Variants in ZFYVE28 observed in about 807,000 individuals in gnomAD.
ZFYVE28 encodes the protein zinc finger FYVE-type containing 28.
ZFYVE28 carries 40 observed loss-of-function variants against 82.1 expected under a neutral mutation model. The observed-to-expected ratio is 0.49, with a 90% CI of 0.38 to 0.63. The LOEUF (loss-of-function observed/expected upper bound fraction) is 0.63, where lower values mean the gene tolerates loss of function less well. ZFYVE28 is among the 30% of genes least tolerant of loss of function. The probability of loss-of-function intolerance (pLI) is 0.00; values close to 1 mark genes in which losing one functional copy is unlikely to be tolerated. For missense variants in ZFYVE28, 1,321 were observed against 1,242.1 expected, an observed-to-expected ratio of 1.06 and a Z score of -0.96; for synonymous variants, 612 against 546.1, an observed-to-expected ratio of 1.12 and a Z score of -1.68.
Position 2,339,356 on chromosome 4 carries a change from G to T in ZFYVE28, c.521+97C>A. ...AACCTGCCTGGCTCCTCCCTCTGTG[G>T]AATTTTCCAGCTTGAAGTATCAGGG... On this transcript the variant is annotated intron_variant, in intron 4 of 12. Coordinates refer to ENST00000290974, the MANE Select transcript of ZFYVE28 (RefSeq NM_020972.3). The surrounding 1 kb of genome is among the most constrained non-coding windows in gnomAD (Gnocchi z 5.0). 7.1e-7 allele frequency: 1 copy of T among 1,410,110 alleles called. No homozygotes were observed. The highest frequency in any genetic ancestry group is 9.7e-7 in the Non-Finnish European group (1 of 1,035,234). The allele number at this position is 1,410,110 out of a possible 1,614,324, so 87.3% of individuals were successfully genotyped here. A position where few individuals can be genotyped will look rare whatever the true frequency, so the allele number is the denominator to read the frequency against.
intron 1 of ZFYVE28, among the ~76,000 whole-genome samples, chr4:2,393,202 C>G (rs1170191321): frequency 3.3e-5 from 5 of 152,248 alleles, no homozygotes; most frequent in African/African-American, 1.2e-4. Flanking sequence ...CACCTGAAAT[C>G]TCACCGCATC....
At chr4:2,282,184 C>A (rs751697211) in intron 8 of ZFYVE28, among the ~76,000 whole-genome samples, 10 of 152,224 alleles carry the variant, frequency 6.6e-5, no homozygotes, top group Non-Finnish European at 1.2e-4. Context: ...CCAGACACTC[C>A]CGCACCGGCT....
chr4:2,364,391 A>C, intron 1 of ZFYVE28: 2 of 972,148 alleles, frequency 2.1e-6, no homozygotes, highest in Non-Finnish European at 2.4e-6. Flanking sequence ...TGCCCGCCCC[A>C]AGGGCACAGC....
At position 2,418,253 on chromosome 4, in the gene ZFYVE28, G is replaced by A; in HGVS notation, c.39+32C>T. 2.0e-6 allele frequency: 3 copies of A among 1,532,318 alleles called. No homozygotes were observed. Among genetic ancestry groups the A allele is most frequent in the South Asian group, 1.2e-5 (1 of 82,594 alleles). 94.9% of individuals were successfully genotyped at this position (1,532,318 alleles called of 1,614,324 possible). On this transcript the variant is annotated intron_variant, in intron 1 of 12. Coordinates refer to ENST00000290974, the MANE Select transcript of ZFYVE28 (RefSeq NM_020972.3). This position sits in a 1 kb window ranked among gnomAD's most constrained non-coding sequence, Gnocchi z 4.6. ...CTGGGGAAGGGAGAGGCCGCGACGC[G>A]GGGGGCGTCCGGCCCGAGCGGGGCC...
At chr4:2,284,627 C>A (rs1712453142) in intron 8 of ZFYVE28, among the ~76,000 whole-genome samples, 1 of 152,206 alleles carries the variant, frequency 6.6e-6, no homozygotes, top group African/African-American at 2.4e-5. Flanking sequence ...GCCTCTGGTT[C>A]CCCAGAGGAG....
intron 6 of ZFYVE28, chr4:2,330,428 ACAT>A: frequency 9.5e-7 from 1 of 1,049,626 alleles, no homozygotes; most frequent in African/African-American, 1.7e-5. Context: ...GGAAGAGGGG[ACAT>A]CATGGAGGGG....
intron 2 of ZFYVE28, among the ~76,000 whole-genome samples, chr4:2,347,474 G>A (rs990162969): frequency 6.6e-5 from 10 of 152,112 alleles, no homozygotes; most frequent in South Asian, 2.1e-4. Flanking sequence ...CATGATTCCC[G>A]ATTGTATATG....
intron 6 of ZFYVE28, among the ~76,000 whole-genome samples, chr4:2,334,203 C>T (rs529340314): frequency 1.7e-4 from 26 of 152,124 alleles, no homozygotes; most frequent in Non-Finnish European, 3.1e-4. Flanking sequence ...CAGGCCAGGC[C>T]CTGAGCTATT....
chr4:2,276,495 T>G (rs1390363265), intron 8 of ZFYVE28, among the ~76,000 whole-genome samples: 1 of 152,138 alleles, frequency 6.6e-6, no homozygotes, highest in Non-Finnish European at 1.5e-5. Flanking sequence ...GAACTGAAAT[T>G]TGGGACTCGG....
At position 2,394,239 on chromosome 4, in the gene ZFYVE28, A is replaced by T. The variant is rs1730184318; in HGVS notation, c.39+24046T>A. On this transcript the variant is annotated intron_variant, in intron 1 of 12. Transcript: ENST00000290974. The surrounding 1 kb of genome is among the most constrained non-coding windows in gnomAD (Gnocchi z 4.0). ...TCAACTGACGAGCAGGCGTAGTTCC[A>T]TCTTTAACCTTTACTTCCCCTTTGC... 6.6e-6 allele frequency among the ~76,000 whole-genome samples: 1 copy of T among 152,130 alleles called. No homozygotes were observed. Among genetic ancestry groups the T allele is most frequent in the African/African-American group, 2.4e-5 (1 of 41,394 alleles).
At chr4:2,392,633 TAAATC>T (rs1729961643) in intron 1 of ZFYVE28, among the ~76,000 whole-genome samples, 1 of 152,242 alleles carries the variant, frequency 6.6e-6, no homozygotes, top group Non-Finnish European at 1.5e-5. Flanking sequence ...TAGTGACTCT[TAAATC>T]ATATTAAATT....
intron 8 of ZFYVE28, among the ~76,000 whole-genome samples, chr4:2,275,089 G>C (rs576145170): frequency 2.4e-4 from 36 of 151,436 alleles, no homozygotes; most frequent in Non-Finnish European, 4.0e-4. Context: ...CTCTGCACAA[G>C]ACCCCACAGG....
chr4:2,312,386 A>G (rs1460422840), intron 7 of ZFYVE28, among the ~76,000 whole-genome samples: 1 of 152,186 alleles, frequency 6.6e-6, no homozygotes, highest in Non-Finnish European at 1.5e-5. Flanking sequence ...ACAAAAGAAA[A>G]AAAAAGAAAA....
chr4:2,414,171 T>A (rs1310877341), intron 1 of ZFYVE28, among the ~76,000 whole-genome samples: 1 of 152,226 alleles, frequency 6.6e-6, no homozygotes, highest in African/African-American at 2.4e-5. Flanking sequence ...CATGACCAAG[T>A]GGGCTGGAAC....
At chr4:2,377,075 G>T (rs1359881978) in intron 1 of ZFYVE28, among the ~76,000 whole-genome samples, 1 of 151,200 alleles carries the variant, frequency 6.6e-6, no homozygotes. Flanking sequence ...AGGCTGGAGT[G>T]CAGTGGCGCG....
chr4:2,343,240 C>G (rs1023697687), intron 2 of ZFYVE28: 1 of 152,160 alleles, frequency 6.6e-6, no homozygotes, highest in African/African-American at 2.4e-5. Flanking sequence ...GTGCAAACTG[C>G]GTTTCCAGGC....
In ZFYVE28 at chr4:2,337,183, G is replaced by A. The variant is rs73797751; in HGVS notation, c.611+224C>T. ...GCAGACAGAAAAGCGACCGTGGGGC[G>A]GTGGAAGGGGGCCGGGCAGAGGTAA... On this transcript the variant is annotated intron_variant, in intron 5 of 12. Transcript: ENST00000290974. Among the ~76,000 whole-genome samples, 1,447 of 152,188 alleles carry A rather than the reference G, an allele frequency of 9.5e-3. 24 individuals carry two copies. The highest frequency in any genetic ancestry group is 0.033 in the African/African-American group (1,379 of 41,492).
At chr4:2,308,683 G>GAAAGAAAGAGAGAGAAAGAAAGA (rs1553830773) in intron 7 of ZFYVE28, among the ~76,000 whole-genome samples, 1 of 81,442 alleles carries the variant, frequency 1.2e-5, no homozygotes, top group African/African-American at 5.0e-5. Context: ...GAAAGAGAAA[G>GAAAGAAAGAGAGAGAAAGAAAGA]AAAGAAAAGA....
At chr4:2,292,392 G>A (rs1326864228) in intron 8 of ZFYVE28, among the ~76,000 whole-genome samples, 1 of 152,140 alleles carries the variant, frequency 6.6e-6, no homozygotes, top group Non-Finnish European at 1.5e-5. Context: ...TAGGTCGAGG[G>A]GCAGACAGGG....
Sources: allele counts gnomAD v4.1 joint callset (sites outside exome capture counted in the v4.1 genomes callset), GRCh38; gene constraint gnomAD v4.1.1; non-coding constraint Gnocchi (gnomAD v3.1); transcripts MANE v1.5; gene names NCBI Gene and HGNC (gene_info 2026-07-23, HGNC 2026-07-21).